The following ASNS variants were observed in gnomAD, a reference collection of about 807,000 sequenced individuals.
The protein encoded by ASNS is asparagine synthetase (glutamine-hydrolyzing).
ASNS carries 37 observed loss-of-function variants against 62.6 expected under a neutral mutation model. The observed-to-expected ratio is 0.59, with a 90% CI of 0.45 to 0.78. The LOEUF is 0.78. Among genes scored for constraint, ASNS ranks in the 30% least tolerant of loss-of-function variants. The probability of loss-of-function intolerance (pLI) is 0.00; values close to 1 mark genes in which losing one functional copy is unlikely to be tolerated. For missense variants in ASNS, 520 were observed against 682.4 expected (o/e 0.76, Z 2.65); for synonymous variants, 207 against 237.9 (o/e 0.87, Z 1.19).
the ASNS span, among the ~76,000 whole-genome samples, chr7:97,915,408 C>T: frequency 6.6e-6 from 1 of 152,150 alleles, no homozygotes; most frequent in Non-Finnish European, 1.5e-5. Context: ...ATGGGTATGC[C>T]GTCATTCATT....
the ASNS span, among the ~76,000 whole-genome samples, chr7:97,911,513 G>A: frequency 6.7e-6 from 1 of 149,648 alleles, no homozygotes; most frequent in South Asian, 2.1e-4. Context: ...ATGGTGGTGT[G>A]CACCTGCAGT....
chr7:97,881,424 A>C, the ASNS span, among the ~76,000 whole-genome samples: 1 of 142,474 alleles, frequency 7.0e-6, no homozygotes, highest in Non-Finnish European at 1.5e-5. Context: ...AGCACTCTCC[A>C]TCCCCTCCCC....
the ASNS span, chr7:97,928,177 C>T: frequency 6.5e-7 from 1 of 1,530,346 alleles, no homozygotes; most frequent in Admixed American, 2.0e-5. Context: ...TGTGCGCTTC[C>T]CCCCTCCAGC....
chr7:97,926,102 C>A, the ASNS span, among the ~76,000 whole-genome samples: 1 of 147,062 alleles, frequency 6.8e-6, no homozygotes, highest in Admixed American at 7.0e-5. Context: ...GGACTTGGCA[C>A]TCAGGGTCTC....
Position 97,855,441 on chromosome 7 carries a change from T to C in ASNS, c.1049A>G (p.Lys350Arg), listed in dbSNP as rs1791391363. The change falls in exon 9 of 13, where the codon AAG becomes AGG. Residue 350 changes from lysine to arginine, a missense_variant. Lys to Arg is a conservative substitution (Grantham distance 26). Transcript: ENST00000394308. ...GCTATCTGTGTTCTTCCGAATATAC[T>C]TGGAAATTAAATACATACCTTAAAT... ...RASVGMYLISKYIRKNTDSVV... is the reference protein window; with the variant it reads ...RASVGMYLISRYIRKNTDSVV... 1.2e-6 allele frequency: 2 copies of C among 1,610,670 alleles called. No homozygotes were observed. Among genetic ancestry groups the C allele is most frequent in the African/African-American group, 1.3e-5 (1 of 74,874 alleles).
the ASNS span, among the ~76,000 whole-genome samples, chr7:97,917,875 C>T: frequency 6.6e-6 from 1 of 152,258 alleles, no homozygotes; most frequent in African/African-American, 2.4e-5. Flanking sequence ...TGAACGTGCT[C>T]TCAACAGTGA....
the ASNS span, among the ~76,000 whole-genome samples, chr7:97,901,227 G>T: frequency 3.9e-5 from 6 of 151,946 alleles, no homozygotes; most frequent in East Asian, 9.7e-4. Flanking sequence ...ATGGAATCTC[G>T]CTCTGTCTCC....
At chr7:97,889,692 C>T in the ASNS span, among the ~76,000 whole-genome samples, 1 of 151,490 alleles carries the variant, frequency 6.6e-6, no homozygotes, top group Non-Finnish European at 1.5e-5. Context: ...AAAGGTCTTT[C>T]CCATATAAAA....
chr7:97,869,578 C>G (rs1792152646), intron 2 of ASNS, among the ~76,000 whole-genome samples, 200 bp downstream of exon 2: 1 of 152,200 alleles, frequency 6.6e-6, no homozygotes, highest in South Asian at 2.1e-4. Context: ...CCCACTCTCA[C>G]CATCCCAAAA....
At chr7:97,905,118 G>A in the ASNS span, among the ~76,000 whole-genome samples, 1 of 152,100 alleles carries the variant, frequency 6.6e-6, no homozygotes, top group Non-Finnish European at 1.5e-5. Context: ...CATAATCATT[G>A]TAAAGATCTC....
chr7:97,887,045 T>G, the ASNS span, among the ~76,000 whole-genome samples: 9 of 152,190 alleles, frequency 5.9e-5, no homozygotes, highest in African/African-American at 2.2e-4. Context: ...TGTAAAAGTC[T>G]ATATATATAT....
At chr7:97,905,411 T>C in the ASNS span, among the ~76,000 whole-genome samples, 1 of 152,246 alleles carries the variant, frequency 6.6e-6, no homozygotes, top group African/African-American at 2.4e-5. Context: ...AATCACAACA[T>C]GGATCTGGTA....
At chr7:97,896,741 C>CACACACACACACATATATATAT in the ASNS span, among the ~76,000 whole-genome samples, 1 of 19,782 alleles carries the variant, frequency 5.1e-5, no homozygotes, top group African/African-American at 1.1e-4. Context: ...CACACACACA[C>CACACACACACACATATATATAT]ATATATATAT....
At chr7:97,870,687 C>T (rs551992657) in intron 1 of ASNS, among the ~76,000 whole-genome samples, 1 of 152,304 alleles carries the variant, frequency 6.6e-6, no homozygotes, top group South Asian at 2.1e-4. Context: ...GAGATGACTA[C>T]TAATAAGCCA....
chr7:97,917,861 G>C, the ASNS span, among the ~76,000 whole-genome samples: 1 of 152,224 alleles, frequency 6.6e-6, no homozygotes, highest in African/African-American at 2.4e-5. Flanking sequence ...CAAGGCCGGC[G>C]CTGTGAACGT....
intron 4 of ASNS, among the ~76,000 whole-genome samples, chr7:97,862,850 A>G (rs1035578483): frequency 6.6e-6 from 1 of 152,216 alleles, no homozygotes; most frequent in African/African-American, 2.4e-5. Flanking sequence ...ATCTGAACAA[A>G]TATTTCTCCA....
chr7:97,886,532 T>C, the ASNS span, among the ~76,000 whole-genome samples: 1 of 152,068 alleles, frequency 6.6e-6, no homozygotes, highest in Non-Finnish European at 1.5e-5. Context: ...TAAGGAAGAC[T>C]TGCCCCCTTG....
chr7:97,889,173 A>G, the ASNS span, among the ~76,000 whole-genome samples: 2 of 152,186 alleles, frequency 1.3e-5, no homozygotes, highest in Non-Finnish European at 2.9e-5. Flanking sequence ...CTGAAGGACA[A>G]GACTTCCTGG....
At chr7:97,916,824 G>A in the ASNS span, among the ~76,000 whole-genome samples, 1 of 152,214 alleles carries the variant, frequency 6.6e-6, no homozygotes, top group African/African-American at 2.4e-5. Flanking sequence ...CTGGGCAGCC[G>A]AGCTCCAGAT....
Sources: gnomAD v4.1 joint callset for allele counts (sites outside exome capture counted in the v4.1 genomes callset) on GRCh38, gnomAD v4.1.1 for gene constraint, MANE v1.5 for transcripts, NCBI Gene and HGNC (gene_info 2026-07-23, HGNC 2026-07-21) for gene names.